The following ERICH5 variants were observed in gnomAD, a reference collection of about 807,000 sequenced individuals.
ERICH5 encodes the protein glutamate rich 5, also known as glutamate-rich protein 5.
A neutral mutation model predicts 28.0 loss-of-function variants in ERICH5; 24 were observed. The ratio of observed to expected loss-of-function variants is 0.86; its 90% CI spans 0.62 to 1.21. The LOEUF (loss-of-function observed/expected upper bound fraction) is 1.21. Ranked by LOEUF, ERICH5 falls within the 50% of genes most tolerant of loss-of-function variation. ERICH5 has a pLI of 0.00. For synonymous variants in ERICH5, 163 were observed against 157.6 expected (o/e 1.03, Z -0.25); for missense variants, 421 against 441.2 (o/e 0.95, Z 0.41).
At chr8:98,069,313 C>T (rs1300762668) in intron 1 of ERICH5, among the ~76,000 whole-genome samples, 1 of 151,982 alleles carries the variant, frequency 6.6e-6, no homozygotes, top group Non-Finnish European at 1.5e-5. Flanking sequence ...AAAAGTATAC[C>T]TTCCACCCCA....
At chr8:98,091,860 C>CTT (rs1400159641) in intron 2 of ERICH5, among the ~76,000 whole-genome samples, 13 of 86,522 alleles carry the variant, frequency 1.5e-4, no homozygotes, top group African/African-American at 4.4e-4. Context: ...TTCTTTCTTT[C>CTT]TTTCTTTCTT....
intron 1 of ERICH5, among the ~76,000 whole-genome samples, chr8:98,067,619 CTT>C (rs1387975942): frequency 3.4e-5 from 5 of 145,778 alleles, no homozygotes; most frequent in Admixed American, 6.9e-5. Flanking sequence ...TACTATGTAT[CTT>C]TTTTTTTTTT....
chr8:98,084,741 A>G lies in ERICH5; in HGVS notation c.59-4335A>G, dbSNP rs536896816. Among the ~76,000 whole-genome samples, 174 of 152,056 alleles carry G rather than the reference A, an allele frequency of 1.1e-3. 2 individuals are homozygous for G. Among genetic ancestry groups the G allele is most frequent in the Non-Finnish European group, 1.1e-3 (73 of 67,966 alleles). On this transcript the variant is annotated intron_variant, in intron 1 of 2. Transcript: ENST00000318528. ...TTCTCTGCTCACAATTCTTTTTTTT[A>G]GTTATCTTTTATTTTTATATTTCAA...
intron 1 of ERICH5, among the ~76,000 whole-genome samples, chr8:98,088,186 A>C (rs2130532006): frequency 6.6e-6 from 1 of 152,354 alleles, no homozygotes; most frequent in Admixed American, 6.5e-5. Context: ...AAACAACAAC[A>C]ACAAAAATTT....
At chr8:98,076,706 C>T (rs1815061641) in intron 1 of ERICH5, among the ~76,000 whole-genome samples, 1 of 152,120 alleles carries the variant, frequency 6.6e-6, no homozygotes, top group South Asian at 2.1e-4. Context: ...CTCCAAGTAG[C>T]TCCTGTATGC....
intron 1 of ERICH5, among the ~76,000 whole-genome samples, chr8:98,066,819 G>C (rs377446231): frequency 6.6e-6 from 1 of 152,098 alleles, no homozygotes; most frequent in African/African-American, 2.4e-5. Flanking sequence ...TCTTAGGCCC[G>C]ATAAATAATT....
In ERICH5 at chr8:98,089,292, G is replaced by A. The variant is rs765711550; in HGVS notation, c.275G>A (p.Arg92Lys). 1 of 1,614,244 alleles carries A rather than the reference G, an allele frequency of 6.2e-7. No individual in the cohort carries two copies. The highest frequency in any genetic ancestry group is 8.5e-7 in the Non-Finnish European group (1 of 1,180,034). The change falls in exon 2 of 3, where the codon AGG (arginine) becomes AAG (lysine). Residue 92 changes from arginine to lysine, a missense_variant. Transcript: ENST00000318528. ...CTGGCCAAGGACGTAGCCCCTGGAA[G>A]GGATGCCACAGACCAATCAGGGTCC... is the stretch of plus-strand genomic sequence containing the variant. Reference protein sequence around the residue: ...QPLAKDVAPGRDATDQSGSTE... With the variant: ...QPLAKDVAPGKDATDQSGSTE...
chr8:98,068,614 C>T (rs544793532), intron 1 of ERICH5, among the ~76,000 whole-genome samples: 54 of 152,272 alleles, frequency 3.5e-4, no homozygotes, highest in East Asian at 3.1e-3. Flanking sequence ...CTCCACAGAC[C>T]TTAATGTGCC....
At chr8:98,091,337 TCA>T (rs143620623) in intron 2 of ERICH5, among the ~76,000 whole-genome samples, 9,213 of 152,268 alleles carry the variant, frequency 0.061, 360 homozygotes, top group Middle Eastern at 0.21. Context: ...CTCAAGGGGC[TCA>T]CTGTCTAGTG....
chr8:98,084,537 C>T (rs1414682397), intron 1 of ERICH5, among the ~76,000 whole-genome samples: 4 of 152,156 alleles, frequency 2.6e-5, no homozygotes, highest in Middle Eastern at 3.4e-3. Context: ...CATGCAACCA[C>T]GCCTGGCTAA....
rs997316493 is a variant in ERICH5, at chr8:98,088,864, C to T, written c.59-212C>T. Among the ~76,000 whole-genome samples the T allele has an allele frequency of 2.6e-5, 4 of 152,132 alleles. No individual in the cohort carries two copies. The South Asian group carries it at 6.2e-4, about 24-fold the overall frequency. Reference sequence around the variant, plus strand: ...AAACTGTGGTTTTGGAGGACTTCAGCGCTTAAGATTAAATGTTTGAGCTGA... The same window carrying T: ...AAACTGTGGTTTTGGAGGACTTCAGTGCTTAAGATTAAATGTTTGAGCTGA... On this transcript the variant is annotated intron_variant, in intron 1 of 2. Coordinates refer to ENST00000318528, the MANE Select transcript of ERICH5 (RefSeq NM_173549.3).
intron 2 of ERICH5, among the ~76,000 whole-genome samples, chr8:98,091,920 C>CTTTCTTCCTTT: frequency 3.7e-5 from 1 of 26,810 alleles, no homozygotes; most frequent in East Asian, 1.3e-3. Context: ...TTTCTTTCTT[C>CTTTCTTCCTTT]CTTTCTTTCT....
chr8:98,070,704 G>C (rs1288052210), intron 1 of ERICH5, among the ~76,000 whole-genome samples: 1 of 122,292 alleles, frequency 8.2e-6, no homozygotes, highest in Non-Finnish European at 1.8e-5. Context: ...AAAAAGAAAA[G>C]AGAATGAAAG....
Position 98,073,403 on chromosome 8 carries a change from C to CCT in ERICH5, c.58+8705_58+8706dup, listed in dbSNP as rs372150799. Among the ~76,000 whole-genome samples the CCT allele has an allele frequency of 8.6e-4, 23 of 26,842 alleles. 5 individuals are homozygous for CCT. Among genetic ancestry groups the CCT allele is most frequent in the East Asian group, 3.2e-3 (1 of 314 alleles). 17.6% of individuals were successfully genotyped at this position (26,842 alleles called of 152,430 possible). ...ACCAGCCTAACCAACATAGTGAGAC[C>CCT]CTCTCTCTCTCTCTCTCTCTCTCTC... On this transcript the variant is annotated intron_variant, in intron 1 of 2. Transcript: ENST00000318528.
In ERICH5 at chr8:98,085,286, G is replaced by T. The variant is rs1421427618; in HGVS notation, c.59-3790G>T. The stretch of plus-strand genomic sequence containing the variant: ...CGCCATTCTCCCGCCTCAGCCTCCC[G>T]AGTAGCTGGGACTGCAGGCGCCCGC... On this transcript the variant is annotated intron_variant, in intron 1 of 2. Coordinates refer to ENST00000318528, the MANE Select transcript of ERICH5 (RefSeq NM_173549.3). Among the ~76,000 whole-genome samples, 3 of 150,848 alleles carry T rather than the reference G, an allele frequency of 2.0e-5. No homozygotes were observed. The East Asian group carries it at 5.8e-4, about 29-fold the overall frequency.
intron 1 of ERICH5, among the ~76,000 whole-genome samples, chr8:98,086,334 T>G (rs1347732920): frequency 6.6e-6 from 1 of 152,222 alleles, no homozygotes; most frequent in Non-Finnish European, 1.5e-5. Flanking sequence ...ATCCTTAAAA[T>G]GCTCTGGAGC....
Position 98,091,993 on chromosome 8 carries a change from C to CCCTTCCTT in ERICH5, c.1013-1203_1013-1196dup, listed in dbSNP as rs377455843. Among the ~76,000 whole-genome samples the CCCTTCCTT allele has an allele frequency of 3.4e-3, 188 of 55,080 alleles. 21 individuals are homozygous for CCCTTCCTT. The highest frequency in any genetic ancestry group is 7.6e-3 in the African/African-American group (108 of 14,256). The allele number at this position is 55,080 out of a possible 152,430, so 36.1% of individuals were successfully genotyped here. A position where few individuals can be genotyped will look rare whatever the true frequency, so the allele number is the denominator to read the frequency against. ...TTTCTTTTTCTTCTCTCTCTCTCTC[C>CCCTTCCTT]CCTTCCTTCCTTCCTTCCTTCCTTC... is the stretch of plus-strand genomic sequence containing the variant. On this transcript the variant is annotated intron_variant, in intron 2 of 2. Coordinates refer to ENST00000318528, the MANE Select transcript of ERICH5 (RefSeq NM_173549.3).
Position 98,064,681 on chromosome 8 carries a change from C to T in ERICH5, c.12C>T (p.Ser4=), listed in dbSNP as rs1429168488. 1 of 1,536,720 alleles carries T rather than the reference C, an allele frequency of 6.5e-7. No individual in the cohort carries two copies. Among genetic ancestry groups the T allele is most frequent in the Non-Finnish European group, 8.7e-7 (1 of 1,143,368 alleles). The change falls in exon 1 of 3, where the codon TCC becomes TCT. Residue 4 remains serine (S), a synonymous_variant. Coordinates refer to ENST00000318528, the MANE Select transcript of ERICH5 (RefSeq NM_173549.3). ...CTGCGCTCCCCGCAATGGGCTGCTC[C>T]AGCAGCGCCCTCAACAAGGCCGGCG... MGC[S]SSALNKAGDS... is the part of the protein sequence containing the mutation.
rs368384761 is a variant in ERICH5 at position 98,088,557 on chromosome 8, C to T, written c.59-519C>T. Among the ~76,000 whole-genome samples the T allele has an allele frequency of 5.9e-5, 9 of 152,300 alleles. No homozygotes were observed. In the East Asian group the frequency reaches 1.5e-3, roughly 26 times the overall value. ...CCTTTACCTATTAGGGCTTCTCTGCCACAGTCCTTTTTCCATTTGCTGGGG... is the reference window on the plus strand; with the variant it reads ...CCTTTACCTATTAGGGCTTCTCTGCTACAGTCCTTTTTCCATTTGCTGGGG... On this transcript the variant is annotated intron_variant, in intron 1 of 2. Transcript: ENST00000318528.
Sources: gnomAD v4.1 joint callset for allele counts (sites outside exome capture counted in the v4.1 genomes callset) on GRCh38, gnomAD v4.1.1 for gene constraint, MANE v1.5 for transcripts, NCBI Gene and HGNC (gene_info 2026-07-23, HGNC 2026-07-21) for gene names.